The following ARHGEF15 variants were observed in gnomAD, a reference collection of about 807,000 sequenced individuals.
ARHGEF15 encodes the protein Rho guanine nucleotide exchange factor 15.
ARHGEF15 carries 58 observed loss-of-function variants against 79.7 expected under a neutral mutation model. That is an observed-to-expected ratio of 0.73 (90% CI 0.59 to 0.91). ARHGEF15 has a LOEUF of 0.91. ARHGEF15 is among the 40% of genes least tolerant of loss of function. The probability of loss-of-function intolerance (pLI) is 0.00; values close to 1 mark genes in which losing one functional copy is unlikely to be tolerated. For synonymous variants in ARHGEF15, 442 were observed against 456.0 expected, an observed-to-expected ratio of 0.97 and a Z score of 0.39; for missense variants, 1,012 against 1,108.1, an observed-to-expected ratio of 0.91 and a Z score of 1.23.
intron 1 of ARHGEF15, chr17:8,310,895 C>A (rs914981514): frequency 6.6e-6 from 1 of 151,912 alleles, no homozygotes; most frequent in African/African-American, 2.4e-5. Flanking sequence ...ACCTGGGTTC[C>A]TAAGGGTGGG....
In ARHGEF15 at chr17:8,315,648, C is replaced by T. The variant is rs1026682444; in HGVS notation, c.1421+74C>T. 19 of 1,592,592 alleles carry T rather than the reference C, an allele frequency of 1.2e-5. No individual in the cohort carries two copies. Among genetic ancestry groups the T allele is most frequent in the Admixed American group, 3.4e-5 (2 of 58,908 alleles). On this transcript the variant is annotated intron_variant, in intron 7 of 15. Transcript: ENST00000361926. This position sits in a 1 kb window ranked among gnomAD's most constrained non-coding sequence, Gnocchi z 4.3. ...CACGCCCTTTCCTCTCTCCCGGGCC[C>T]AGGTCCTTCCTTCTACGGACCCAGT...
chr17:8,319,043 C>T lies in ARHGEF15; in HGVS notation c.2070C>T (p.Arg690=), dbSNP rs1215167202. The T allele has an allele frequency of 2.3e-5, 37 of 1,613,866 alleles. No homozygotes were observed. The highest frequency in any genetic ancestry group is 2.8e-5 in the Non-Finnish European group (33 of 1,180,010). The change falls in exon 13 of 16, where the codon CGC becomes CGT. Residue 690 remains arginine, a synonymous_variant. Coordinates refer to ENST00000361926, the MANE Select transcript of ARHGEF15 (RefSeq NM_173728.4). ...QRLQVLDYAH[R]SLVQAQQVPD... is the part of the protein sequence containing the mutation. Reference sequence around the variant, plus strand: ...TACAGGTTCTGGACTATGCCCATCGCTCCCTGGTCCAGGCCCAGCAGGTTC... The same window carrying T: ...TACAGGTTCTGGACTATGCCCATCGTTCCCTGGTCCAGGCCCAGCAGGTTC...
intron 4 of ARHGEF15, among the ~76,000 whole-genome samples, chr17:8,314,358 G>A (rs1904864316): frequency 6.6e-6 from 1 of 152,076 alleles, no homozygotes; most frequent in African/African-American, 2.4e-5. Context: ...TTTAGCTTGG[G>A]CGAATGGGGG....
Position 8,320,921 on chromosome 17 carries a change from C to A in ARHGEF15, c.2454C>A (p.His818Gln), listed in dbSNP as rs1905344476. Residue 818 changes from histidine to glutamine, a missense_variant, in exon 16 of 16, where the codon CAC becomes CAA. His to Gln is a conservative substitution (Grantham distance 24). This residue lies in a region of ARHGEF15 where 132 missense variants were observed against 124.2 expected (regional missense o/e 1.06). Transcript: ENST00000361926. ...EVTGEHERRR[H>Q]LRQNQRLLEA... ...CAGGGGAACACGAAAGGAGGAGGCA[C>A]CTTCGCCAGAACCAGAGGCTTCTCG... 2 of 1,613,874 alleles carry A rather than the reference C, an allele frequency of 1.2e-6. No individual in the cohort carries two copies. Among genetic ancestry groups the A allele is most frequent in the East Asian group, 2.2e-5 (1 of 44,890 alleles).
intron 15 of ARHGEF15, 60 bp downstream of exon 15, chr17:8,319,663 T>G: frequency 3.0e-6 from 4 of 1,335,160 alleles, no homozygotes; most frequent in Non-Finnish European, 4.0e-6. Context: ...TGAGACAGAG[T>G]CTCATTCTGT....
At chr17:8,311,491 C>T (rs77288200) in intron 1 of ARHGEF15, among the ~76,000 whole-genome samples, 4 of 152,054 alleles carry the variant, frequency 2.6e-5, no homozygotes, top group South Asian at 2.1e-4. Context: ...AGGGAGAGTC[C>T]GGAGAGAGGA....
In ARHGEF15 at chr17:8,315,732, G is replaced by A; in HGVS notation, c.1422-23G>A. 1 of 1,607,700 alleles carries A rather than the reference G, an allele frequency of 6.2e-7. No individual in the cohort carries two copies. Among genetic ancestry groups the A allele is most frequent in the Non-Finnish European group, 8.5e-7 (1 of 1,176,484 alleles). ...ACCTGGCTCTCTGCCCCGCCCCATT[G>A]CTTGCTTCCCCAATTCCTTCAGGTT... is the stretch of plus-strand genomic sequence containing the variant. On this transcript the variant is annotated intron_variant, in intron 7 of 15. Transcript: ENST00000361926. This position sits in a 1 kb window ranked among gnomAD's most constrained non-coding sequence, Gnocchi z 4.3.
At chr17:8,310,875 G>A (rs1018804369) in intron 1 of ARHGEF15, 2 of 152,020 alleles carry the variant, frequency 1.3e-5, no homozygotes, top group African/African-American at 2.4e-5. Flanking sequence ...TGAGTGCTTG[G>A]GGCCCGAGTA....
chr17:8,313,575 CT>C lies in ARHGEF15; in HGVS notation c.989+21del. The C allele has an allele frequency of 6.2e-7, 1 of 1,608,074 alleles. No individual in the cohort carries two copies. The highest frequency in any genetic ancestry group is 8.5e-7 in the Non-Finnish European group (1 of 1,178,078). On this transcript the variant is annotated intron_variant, in intron 4 of 15. Transcript: ENST00000361926. ...GGGGAGGTACTGAACACCCCCACCCCTACTCCCTGGTTCTCTCCCCACCATG... is the reference window on the plus strand; with the variant it reads ...GGGGAGGTACTGAACACCCCCACCCCACTCCCTGGTTCTCTCCCCACCATG...
At position 8,312,368 on chromosome 17, in the gene ARHGEF15, C is replaced by G; in HGVS notation, c.329C>G (p.Pro110Arg). 6.2e-7 allele frequency: 1 copy of G among 1,606,700 alleles called. No homozygotes were observed. Among genetic ancestry groups the G allele is most frequent in the Non-Finnish European group, 8.5e-7 (1 of 1,176,454 alleles). The stretch of plus-strand genomic sequence containing the variant: ...CCAGTGTCCCGGCGCTCCGCCTCCC[C>G]AGAACCTGCTCCCCGGTCTCCAGTC... ...PSPVSRRSAS[P>R]EPAPRSPVPP... The change falls in exon 2 of 16, where the codon CCA (proline) becomes CGA (arginine). Residue 110 changes from proline to arginine, a missense_variant. By Grantham distance (103) the Pro-to-Arg change is moderately radical. Transcript: ENST00000361926.
In ARHGEF15 at chr17:8,311,980, C is replaced by T. The variant is rs1336075339; in HGVS notation, c.-49-11C>T. 3 of 1,464,182 alleles carry T rather than the reference C, an allele frequency of 2.0e-6. No individual in the cohort carries two copies. Among genetic ancestry groups the T allele is most frequent in the Admixed American group, 5.1e-5 (2 of 39,374 alleles). 90.7% of individuals were successfully genotyped at this position (1,464,182 alleles called of 1,614,324 possible). ...ACTAAGGGTCTTTCTCTTTCCCTCCCTCCTCCTCAGGGGATGACTCCAGCA... is the reference window on the plus strand; with the variant it reads ...ACTAAGGGTCTTTCTCTTTCCCTCCTTCCTCCTCAGGGGATGACTCCAGCA... On this transcript the variant is annotated splice_polypyrimidine_tract_variant and intron_variant, in intron 1 of 15. Coordinates refer to ENST00000361926, the MANE Select transcript of ARHGEF15 (RefSeq NM_173728.4).
chr17:8,312,352 C>T lies in ARHGEF15; in HGVS notation c.313C>T (p.Arg105Trp), dbSNP rs375648145. Residue 105 changes from arginine (R) to tryptophan (W), a missense_variant, in exon 2 of 16, where the codon CGG becomes TGG. By Grantham distance (101) the Arg-to-Trp change is moderately radical. Around this residue, in one of 3 missense-constraint regions of ARHGEF15, gnomAD observed 818 missense variants for 882.5 expected, o/e 0.93. Transcript: ENST00000361926. ...SSTPTPSPVSRRSASPEPAPR... is the reference protein window; with the variant it reads ...SSTPTPSPVSWRSASPEPAPR... The stretch of plus-strand genomic sequence containing the variant: ...CACCCCCACACCTAGTCCAGTGTCC[C>T]GGCGCTCCGCCTCCCCAGAACCTGC... 8.0e-5 allele frequency: 128 copies of T among 1,596,338 alleles called. No individual in the cohort carries two copies. The highest frequency in any genetic ancestry group is 9.4e-5 in the Non-Finnish European group (110 of 1,171,666).
chr17:8,313,255 G>A lies in ARHGEF15; in HGVS notation c.934+1G>A. ...CTTTCTGAAGATGGAATCCAAACAGGTGCAGGGCCTGGGGGAGTGGACCTC... is the reference window on the plus strand; with the variant it reads ...CTTTCTGAAGATGGAATCCAAACAGATGCAGGGCCTGGGGGAGTGGACCTC... On this transcript the variant is annotated splice_donor_variant, in intron 3 of 15. Transcript: ENST00000361926. LOFTEE classifies it high-confidence loss of function. 6.2e-7 allele frequency: 1 copy of A among 1,603,648 alleles called. No homozygotes were observed. The highest frequency in any genetic ancestry group is 1.3e-5 in the African/African-American group (1 of 75,046).
At chr17:8,314,863 C>A in intron 4 of ARHGEF15, 43 bp from the exon 5 acceptor site, 1 of 1,609,772 alleles carries the variant, frequency 6.2e-7, no homozygotes, top group Non-Finnish European at 8.5e-7. Flanking sequence ...CGGTGGGCAG[C>A]AGTGGTGGCC....
intron 3 of ARHGEF15, 66 bp from the exon 4 acceptor site, chr17:8,313,435 G>T (rs1387094174): frequency 6.4e-7 from 1 of 1,572,906 alleles, no homozygotes; most frequent in Non-Finnish European, 8.7e-7. Context: ...GCTGGGGCTG[G>T]AGTCGGGAGT....
Position 8,321,068 on chromosome 17 carries a change from A to C in ARHGEF15, c.*75A>C. 1 of 1,559,480 alleles carries C rather than the reference A, an allele frequency of 6.4e-7. No homozygotes were observed. Among genetic ancestry groups the C allele is most frequent in the Non-Finnish European group, 8.8e-7 (1 of 1,142,794 alleles). On this transcript the variant is annotated 3_prime_UTR_variant, in exon 16 of 16. Transcript: ENST00000361926. ...CGGAGAGAACAAAGCCCATTCATCC[A>C]TTGGATTCACTGTCAGTGGAGATAC...
intron 9 of ARHGEF15, among the ~76,000 whole-genome samples, chr17:8,316,550 A>T (rs563983153): frequency 6.6e-6 from 1 of 152,310 alleles, no homozygotes; most frequent in South Asian, 2.1e-4. Flanking sequence ...CTGGGGTGGT[A>T]TCACCCCCAA....
In ARHGEF15 at chr17:8,315,778, G is replaced by T. The variant is rs1254529014; in HGVS notation, c.1445G>T (p.Arg482Leu). Residue 482 changes from arginine to leucine, a missense_variant, in exon 8 of 16, where the codon CGT becomes CTT. Transcript: ENST00000361926. The surrounding 1 kb of genome is among the most constrained non-coding windows in gnomAD (Gnocchi z 4.3). ...AGGTTTCTAGCAACGCTCCTGTCCC[G>T]TGTGCGCTCTTCCCCCCACATCAGC... Reference protein sequence around the residue: ...SERFLATLLSRVRSSPHISDL... With the variant: ...SERFLATLLSLVRSSPHISDL... 2 of 1,613,024 alleles carry T rather than the reference G, an allele frequency of 1.2e-6. No homozygotes were observed. Among genetic ancestry groups the T allele is most frequent in the African/African-American group, 2.7e-5 (2 of 74,920 alleles).
At position 8,311,972 on chromosome 17, in the gene ARHGEF15, T is replaced by C; in HGVS notation, c.-49-19T>C. The C allele has an allele frequency of 6.9e-7, 1 of 1,453,320 alleles. No individual in the cohort carries two copies. The highest frequency in any genetic ancestry group is 1.5e-5 in the African/African-American group (1 of 68,596). 90.0% of individuals were successfully genotyped at this position (1,453,320 alleles called of 1,614,324 possible). On this transcript the variant is annotated intron_variant, in intron 1 of 15. Transcript: ENST00000361926. ...TGTGGGGCACTAAGGGTCTTTCTCT[T>C]TCCCTCCCTCCTCCTCAGGGGATGA...
Sources: gnomAD v4.1 joint callset for allele counts (sites outside exome capture counted in the v4.1 genomes callset) on GRCh38, gnomAD v4.1.1 for gene constraint, gnomAD v4.1.1 regional missense constraint, Gnocchi (gnomAD v3.1) non-coding constraint, MANE v1.5 for transcripts, NCBI Gene and HGNC (gene_info 2026-07-23, HGNC 2026-07-21) for gene names.